DTD1: variants seen among roughly 807,000 people sequenced by gnomAD.
DTD1 encodes the protein D-aminoacyl-tRNA deacylase 1.
Under a neutral mutation model 25.6 loss-of-function variants are expected in DTD1, and 13 were observed. The ratio of observed to expected loss-of-function variants is 0.51; its 90% CI spans 0.33 to 0.81. The LOEUF (loss-of-function observed/expected upper bound fraction) is 0.81, where lower values mean the gene tolerates loss of function less well. Among genes scored for constraint, DTD1 ranks in the 30% least tolerant of loss-of-function variants. DTD1 has a pLI of 0.02. For synonymous variants in DTD1, 110 were observed against 103.6 expected, an observed-to-expected ratio of 1.06 and a Z score of -0.37; for missense variants, 193 against 266.4, an observed-to-expected ratio of 0.72 and a Z score of 1.92.
chr20:18,710,422 G>A (rs572120639), intron 4 of DTD1, among the ~76,000 whole-genome samples: 1 of 151,856 alleles, frequency 6.6e-6, no homozygotes, highest in South Asian at 2.1e-4. Flanking sequence ...AGTGACCATG[G>A]TTTTTGTTAA....
rs7265298 is a variant in DTD1 at position 18,652,348 on chromosome 20, T to C, written c.477+24115T>C. ...AAAATGCCATTTTGGTTTTATTCAG[T>C]TTACAATCTTTAATAAGGTAGAGTA... is the stretch of plus-strand genomic sequence containing the variant. On this transcript the variant is annotated intron_variant, in intron 4 of 5. Coordinates refer to ENST00000377452, the MANE Select transcript of DTD1 (RefSeq NM_080820.6). Among the ~76,000 whole-genome samples the C allele has an allele frequency of 8.9e-3, 1,358 of 152,356 alleles. 21 individuals are homozygous for C. Among genetic ancestry groups the C allele is most frequent in the African/African-American group, 0.031 (1,292 of 41,576 alleles).
intron 4 of DTD1, among the ~76,000 whole-genome samples, chr20:18,712,760 G>GCATAGAACAA (rs1234702326): frequency 6.6e-6 from 1 of 152,172 alleles, no homozygotes; most frequent in African/African-American, 2.4e-5. Flanking sequence ...CTTGCTCTAA[G>GCATAGAACAA]CATAGAACAA....
At chr20:18,695,693 C>T (rs1002212249) in intron 4 of DTD1, among the ~76,000 whole-genome samples, 1 of 145,748 alleles carries the variant, frequency 6.9e-6, no homozygotes, top group African/African-American at 2.6e-5. Context: ...TTTCCTCTGA[C>T]AGGGTCTTGT....
At chr20:18,668,160 A>G (rs1490308090) in intron 4 of DTD1, among the ~76,000 whole-genome samples, 1 of 152,222 alleles carries the variant, frequency 6.6e-6, no homozygotes, top group Non-Finnish European at 1.5e-5. Context: ...ATGTGTTTAT[A>G]TATTTTTAAG....
chr20:18,736,222 C>A (rs895917860), intron 4 of DTD1, among the ~76,000 whole-genome samples: 1 of 152,106 alleles, frequency 6.6e-6, no homozygotes, highest in South Asian at 2.1e-4. Context: ...CAGCAGACAT[C>A]GTGTTCCTGT....
rs866870227 is a variant in DTD1, at chr20:18,679,695, A to G, written c.477+51462A>G. 6.6e-5 allele frequency among the ~76,000 whole-genome samples: 10 copies of G among 152,332 alleles called. No individual in the cohort carries two copies. In the Middle Eastern group the frequency reaches 0.01, roughly 155 times the overall value. ...TCCCTCACTGCCAGATGTGATGGAA[A>G]TAAGTAACCAAATTCTGTTCTACAA... On this transcript the variant is annotated intron_variant, in intron 4 of 5. Transcript: ENST00000377452.
At chr20:18,713,994 T>G (rs2061170070) in intron 4 of DTD1, among the ~76,000 whole-genome samples, 1 of 152,148 alleles carries the variant, frequency 6.6e-6, no homozygotes, top group African/African-American at 2.4e-5. Context: ...ACCTCCAGCC[T>G]GCACTCCACC....
intron 4 of DTD1, chr20:18,632,098 A>G: frequency 1.1e-6 from 1 of 935,626 alleles, no homozygotes; most frequent in Non-Finnish European, 1.3e-6. Context: ...TGACTGTAGT[A>G]ATCACTTCAC....
At chr20:18,759,248 T>A (rs960379159) in intron 5 of DTD1, among the ~76,000 whole-genome samples, 4 of 152,202 alleles carry the variant, frequency 2.6e-5, no homozygotes, top group Non-Finnish European at 4.4e-5. Flanking sequence ...TTAACGTTAA[T>A]ATTGTTATGT....
At chr20:18,677,634 G>A (rs1308008660) in intron 4 of DTD1, among the ~76,000 whole-genome samples, 4 of 152,156 alleles carry the variant, frequency 2.6e-5, no homozygotes, top group Admixed American at 2.6e-4. Flanking sequence ...ACTTTCCAGA[G>A]TGTCTAGAAC....
intron 5 of DTD1, among the ~76,000 whole-genome samples, chr20:18,744,911 T>G (rs2061294353): frequency 6.6e-6 from 1 of 152,162 alleles, no homozygotes; most frequent in African/African-American, 2.4e-5. Context: ...TTTTATTCAT[T>G]GAGATGCAGG....
chr20:18,728,779 G>C (rs1383561475), intron 4 of DTD1, among the ~76,000 whole-genome samples: 1 of 152,144 alleles, frequency 6.6e-6, no homozygotes, highest in Non-Finnish European at 1.5e-5. Context: ...GCCCCTGCCT[G>C]GGTCCCCTGG....
intron 4 of DTD1, among the ~76,000 whole-genome samples, chr20:18,695,645 G>A (rs1222839072): frequency 2.2e-5 from 2 of 89,570 alleles, no homozygotes; most frequent in Non-Finnish European, 4.1e-5. Flanking sequence ...CTCTCCTTCT[G>A]CCCTCCCTCC....
intron 4 of DTD1, among the ~76,000 whole-genome samples, chr20:18,667,614 G>T (rs1221519918): frequency 6.6e-6 from 1 of 152,194 alleles, no homozygotes; most frequent in Admixed American, 6.5e-5. Context: ...TTGATCCAAT[G>T]AAGGCATTTC....
chr20:18,730,221 G>T (rs1004839222), intron 4 of DTD1, among the ~76,000 whole-genome samples: 2 of 152,116 alleles, frequency 1.3e-5, no homozygotes, highest in African/African-American at 2.4e-5. Flanking sequence ...GGGTATTTAA[G>T]TGGTTCCACA....
At chr20:18,670,642 T>TAAA (rs2060948597) in intron 4 of DTD1, among the ~76,000 whole-genome samples, 1 of 152,206 alleles carries the variant, frequency 6.6e-6, no homozygotes, top group Non-Finnish European at 1.5e-5. Flanking sequence ...CTAAATAAAG[T>TAAA]CGTTTACTCA....
chr20:18,753,355 C>T (rs1395170390), intron 5 of DTD1, among the ~76,000 whole-genome samples: 1 of 152,044 alleles, frequency 6.6e-6, no homozygotes, highest in African/African-American at 2.4e-5. Context: ...TGCCTGTAAT[C>T]CCAGCATTTT....
intron 4 of DTD1, among the ~76,000 whole-genome samples, chr20:18,657,900 C>T (rs1179600843): frequency 6.6e-6 from 1 of 152,064 alleles, no homozygotes; most frequent in East Asian, 1.9e-4. Context: ...CAGGGCCTCG[C>T]CTTGCAAATC....
At chr20:18,644,915 G>T (rs2060844858) in intron 4 of DTD1, among the ~76,000 whole-genome samples, 1 of 152,120 alleles carries the variant, frequency 6.6e-6, no homozygotes, top group South Asian at 2.1e-4. Context: ...GGAGCCCAAG[G>T]CAGGAATATC....
Sources: allele counts gnomAD v4.1 joint callset (sites outside exome capture counted in the v4.1 genomes callset), GRCh38; gene constraint gnomAD v4.1.1; transcripts MANE v1.5; gene names NCBI Gene and HGNC (gene_info 2026-07-23, HGNC 2026-07-21).